Variants in DCUN1D4 observed in about 807,000 individuals in gnomAD.
The protein encoded by DCUN1D4 is DCN1-like protein 4.
DCUN1D4 carries 22 observed loss-of-function variants against 47.9 expected under a neutral mutation model. That is an observed-to-expected ratio of 0.46 (90% CI 0.33 to 0.66). The LOEUF (loss-of-function observed/expected upper bound fraction) is 0.66, where lower values mean the gene tolerates loss of function less well. Among genes scored for constraint, DCUN1D4 ranks in the 30% least tolerant of loss-of-function variants. DCUN1D4 has a pLI of 0.02. For synonymous variants in DCUN1D4, 121 were observed against 112.2 expected (o/e 1.08, Z -0.50); for missense variants, 301 against 340.8 (o/e 0.88, Z 0.92).
At chr4:51,857,888 C>T (rs1421541731) in intron 1 of DCUN1D4, among the ~76,000 whole-genome samples, 2 of 152,134 alleles carry the variant, frequency 1.3e-5, no homozygotes, top group East Asian at 3.8e-4. Context: ...ATTTATTGAG[C>T]ACCTAATATG....
At chr4:51,892,765 G>A (rs1247041973) in intron 7 of DCUN1D4, among the ~76,000 whole-genome samples, 1 of 152,032 alleles carries the variant, frequency 6.6e-6, no homozygotes, top group East Asian at 1.9e-4. Flanking sequence ...CAGTTGAAGT[G>A]GATAACTAAA....
chr4:51,840,856 C>T (rs1577787809), upstream of DCUN1D4, among the ~76,000 whole-genome samples: 1 of 152,272 alleles, frequency 6.6e-6, no homozygotes, highest in Non-Finnish European at 1.5e-5. Flanking sequence ...ATGAGCTTTG[C>T]CTCTCAATCC....
chr4:51,848,203 A>C (rs780405828), intron 1 of DCUN1D4: 1 of 1,288,794 alleles, frequency 7.8e-7, no homozygotes, highest in Non-Finnish European at 1.0e-6. Flanking sequence ...TCAAACATGC[A>C]GATATCAGTT....
intron 8 of DCUN1D4, among the ~76,000 whole-genome samples, chr4:51,902,799 T>C (rs148752779): frequency 1.5e-3 from 225 of 152,290 alleles, no homozygotes; most frequent in Non-Finnish European, 2.4e-3. Context: ...TATTTTTTGT[T>C]CCTTTTTTCC....
At chr4:51,834,080 C>T in the DCUN1D4 span, among the ~76,000 whole-genome samples, 68 of 69,022 alleles carry the variant, frequency 9.9e-4, no homozygotes, top group African/African-American at 3.7e-3. Context: ...CTCTCTCTCT[C>T]TCTCTCTTTT....
chr4:51,882,414 G>C (rs1413708731), intron 5 of DCUN1D4, among the ~76,000 whole-genome samples: 1 of 152,136 alleles, frequency 6.6e-6, no homozygotes, highest in Non-Finnish European at 1.5e-5. Context: ...GAGGAAGCCG[G>C]GGAACACCCA....
the DCUN1D4 span, among the ~76,000 whole-genome samples, chr4:51,836,999 T>C: frequency 1.3e-5 from 2 of 152,202 alleles, no homozygotes; most frequent in Admixed American, 1.3e-4. Context: ...AAAATGATTA[T>C]TCTTTCTGTC....
chr4:51,870,279 T>C (rs946857366), intron 3 of DCUN1D4, among the ~76,000 whole-genome samples: 1 of 152,154 alleles, frequency 6.6e-6, no homozygotes, highest in Non-Finnish European at 1.5e-5. Flanking sequence ...AATTTAATGA[T>C]ACAAATAAAT....
the DCUN1D4 span, among the ~76,000 whole-genome samples, chr4:51,835,378 T>C: frequency 1.3e-5 from 2 of 152,234 alleles, no homozygotes; most frequent in Non-Finnish European, 2.9e-5. Context: ...ACATGAGTAC[T>C]TGAGACAGTA....
intron 1 of DCUN1D4, among the ~76,000 whole-genome samples, chr4:51,845,774 T>G (rs1369830251): frequency 6.6e-6 from 1 of 152,226 alleles, no homozygotes; most frequent in Non-Finnish European, 1.5e-5. Flanking sequence ...TGTAAACCTT[T>G]TGGTGTGGTT....
upstream of DCUN1D4, among the ~76,000 whole-genome samples, chr4:51,839,181 A>AAAGGAGAAGGAAGGAAGGAAGG (rs1721568732): frequency 7.4e-6 from 1 of 135,752 alleles, no homozygotes; most frequent in South Asian, 2.5e-4. Context: ...AGGAAGGAAG[A>AAAGGAGAAGGAAGGAAGGAAGG]AAGGAGAAGG....
intron 1 of DCUN1D4, among the ~76,000 whole-genome samples, chr4:51,860,115 CT>C (rs796922268): frequency 9.9e-5 from 15 of 151,878 alleles, no homozygotes; most frequent in African/African-American, 3.4e-4. Flanking sequence ...ACATTTTTGT[CT>C]TTTTTTTCTC....
intron 1 of DCUN1D4, chr4:51,848,509 A>T (rs2109806568): frequency 1.7e-6 from 1 of 605,048 alleles, no homozygotes; most frequent in South Asian, 7.0e-5. Context: ...ACAGAGTAAA[A>T]TTTTCTTTGA....
the DCUN1D4 span, among the ~76,000 whole-genome samples, chr4:51,836,326 T>C: frequency 6.6e-6 from 1 of 152,202 alleles, no homozygotes; most frequent in Non-Finnish European, 1.5e-5. Context: ...CTGTCTTAGC[T>C]GAGGCAGTGT....
chr4:51,887,203 C>T (rs1483666844), intron 6 of DCUN1D4: 2 of 421,598 alleles, frequency 4.7e-6, no homozygotes, highest in South Asian at 1.7e-5. Flanking sequence ...CGGGTTGAAG[C>T]GATTTCCCCT....
chr4:51,842,955 C>T, upstream of DCUN1D4: 1 of 927,412 alleles, frequency 1.1e-6, no homozygotes, highest in Non-Finnish European at 1.4e-6. Context: ...TGGCCTCCGC[C>T]AGGGGCGTTA....
chr4:51,899,570 T>G (rs923259590), intron 8 of DCUN1D4, among the ~76,000 whole-genome samples, 192 bp downstream of exon 8: 1 of 152,210 alleles, frequency 6.6e-6, no homozygotes, highest in African/African-American at 2.4e-5. Context: ...ATTCTGTAGG[T>G]CAGCAAAAAG....
At chr4:51,855,937 T>C (rs1037325657) in intron 1 of DCUN1D4, among the ~76,000 whole-genome samples, 13 of 152,272 alleles carry the variant, frequency 8.5e-5, no homozygotes, top group African/African-American at 2.9e-4. Flanking sequence ...GCTTTAACAA[T>C]TTTTGTTTTC....
At chr4:51,909,578 C>T (rs1733395249) in intron 8 of DCUN1D4, 1 of 153,464 alleles carries the variant, frequency 6.5e-6, no homozygotes, top group East Asian at 1.9e-4. Context: ...CTTCTCCTGT[C>T]CTCTTCTCCA....
Sources: gnomAD v4.1 joint callset for allele counts (sites outside exome capture counted in the v4.1 genomes callset) on GRCh38, gnomAD v4.1.1 for gene constraint, MANE v1.5 for transcripts, NCBI Gene and HGNC (gene_info 2026-07-23, HGNC 2026-07-21) for gene names.